ACAT1: variants seen among roughly 807,000 people sequenced by gnomAD.
The protein encoded by ACAT1 is acetyl-CoA acetyltransferase, mitochondrial.
Under a neutral mutation model 47.3 loss-of-function variants are expected in ACAT1, and 28 were observed. The ratio of observed to expected loss-of-function variants is 0.59; its 90% CI spans 0.44 to 0.81. ACAT1 has a LOEUF of 0.81. ACAT1 is among the 30% of genes least tolerant of loss of function. ACAT1 has a pLI of 0.00. For synonymous variants in ACAT1, 181 were observed against 173.6 expected, an observed-to-expected ratio of 1.04 and a Z score of -0.34; for missense variants, 469 against 524.3, an observed-to-expected ratio of 0.89 and a Z score of 1.03.
intron 5 of ACAT1, among the ~76,000 whole-genome samples, chr11:108,138,209 T>C (rs1156950735): frequency 6.6e-6 from 1 of 151,774 alleles, no homozygotes; most frequent in Non-Finnish European, 1.5e-5. Flanking sequence ...ATGGTCTCGA[T>C]TTCCTGACCT....
At chr11:108,119,522 G>A (rs2077114868), upstream of ACAT1, among the ~76,000 whole-genome samples, 1 of 152,132 alleles carries the variant, frequency 6.6e-6, no homozygotes, top group Non-Finnish European at 1.5e-5. Flanking sequence ...ATCTTTTACT[G>A]TGTGATACCC....
At chr11:108,132,353 C>A (rs565109709) in intron 2 of ACAT1, among the ~76,000 whole-genome samples, 1 of 152,254 alleles carries the variant, frequency 6.6e-6, no homozygotes, top group East Asian at 1.9e-4. Flanking sequence ...TCTGAAGAGT[C>A]TCTGTTTTGT....
intron 1 of ACAT1, 58 bp downstream of exon 1, chr11:108,121,736 G>T: frequency 6.5e-7 from 1 of 1,528,656 alleles, no homozygotes; most frequent in South Asian, 1.2e-5. Context: ...TCCCCGCCTC[G>T]GAAGCTTCCA....
intron 1 of ACAT1, among the ~76,000 whole-genome samples, chr11:108,131,354 ATTT>A (rs397951009): frequency 0.024 from 1,508 of 62,660 alleles, 152 homozygotes; most frequent in Non-Finnish European, 0.037. Flanking sequence ...AAGACTTGGA[ATTT>A]TTTTTTTTTT....
Position 108,147,481 on chromosome 11 carries a change from AAGCTGT to A in ACAT1, c.*92_*97del. ...ACTGTGGGTCAGCTTATATTCAGAT[AAGCTGT>A]TTCATTTTTTATTATTTTCTATGTT... is the stretch of plus-strand genomic sequence containing the variant. On this transcript the variant is annotated 3_prime_UTR_variant, in exon 12 of 12. Transcript: ENST00000265838. 6.8e-7 allele frequency: 1 copy of A among 1,474,702 alleles called. No individual in the cohort carries two copies. The highest frequency in any genetic ancestry group is 9.3e-7 in the Non-Finnish European group (1 of 1,073,462). 91.4% of individuals were successfully genotyped at this position (1,474,702 alleles called of 1,614,324 possible).
At chr11:108,122,944 G>A (rs2077178779) in intron 1 of ACAT1, among the ~76,000 whole-genome samples, 1 of 152,176 alleles carries the variant, frequency 6.6e-6, no homozygotes, top group Admixed American at 6.5e-5. Flanking sequence ...TTACAATCAG[G>A]TTGGTTGAGG....
intron 5 of ACAT1, chr11:108,136,696 T>C (rs1453429724): frequency 1.3e-5 from 2 of 152,266 alleles, no homozygotes; most frequent in Non-Finnish European, 2.9e-5. Flanking sequence ...AGTTTTACTT[T>C]ATAATGAAGA....
intron 9 of ACAT1, chr11:108,143,756 T>C (rs904017530): frequency 4.9e-6 from 2 of 406,974 alleles, no homozygotes; most frequent in East Asian, 9.6e-5. Context: ...GTGGTGCCAA[T>C]GTTCCTAGAG....
intron 1 of ACAT1, chr11:108,128,850 G>T (rs2135313049): frequency 6.6e-6 from 1 of 152,150 alleles, no homozygotes; most frequent in Middle Eastern, 3.4e-3. Context: ...AGTAAACAAG[G>T]AACAAACTAG....
intron 1 of ACAT1, among the ~76,000 whole-genome samples, chr11:108,130,021 C>T (rs2077327673): frequency 6.6e-6 from 1 of 152,146 alleles, no homozygotes; most frequent in Non-Finnish European, 1.5e-5. Context: ...CATCTTTTGC[C>T]TCTTGTGGTG....
At position 108,146,227 on chromosome 11, in the gene ACAT1, AAG is replaced by A. The variant is rs781496140; in HGVS notation, c.1033_1034del (p.Glu345ArgfsTer9). ...GTTCTTAAAGATGTGGGATTGAAAA[AAG>A]AAGATATTGCAATGTGGGAAGTAAA... On this transcript the variant is annotated frameshift_variant, in exon 11 of 12. Coordinates refer to ENST00000265838, the MANE Select transcript of ACAT1 (RefSeq NM_000019.4). LOFTEE classifies it high-confidence loss of function. 6 of 1,613,136 alleles carry A rather than the reference AAG, an allele frequency of 3.7e-6. No homozygotes were observed. The highest frequency in any genetic ancestry group is 1.3e-5 in the African/African-American group (1 of 74,902).
At chr11:108,140,691 T>C (rs1454766882) in intron 7 of ACAT1, among the ~76,000 whole-genome samples, 3 of 152,186 alleles carry the variant, frequency 2.0e-5, no homozygotes, top group African/African-American at 7.2e-5. Flanking sequence ...GGGTCACATA[T>C]ATAGGGTTCT....
intron 7 of ACAT1, 62 bp downstream of exon 7, chr11:108,140,277 A>C (rs761270923): frequency 2.1e-5 from 33 of 1,594,912 alleles, no homozygotes; most frequent in Non-Finnish European, 2.8e-5. Context: ...TTTTATGCTT[A>C]AGTTTTAAAT....
At chr11:108,136,693 C>T (rs1475342311) in intron 5 of ACAT1, 1 of 152,160 alleles carries the variant, frequency 6.6e-6, no homozygotes, top group South Asian at 2.1e-4. Flanking sequence ...GTCAGTTTTA[C>T]TTTATAATGA....
intron 10 of ACAT1, chr11:108,144,277 T>C (rs953145792): frequency 1.1e-5 from 6 of 556,538 alleles, no homozygotes; most frequent in Non-Finnish European, 1.9e-5. Context: ...CAGGTAAAAC[T>C]ACACATCTGA....
intron 10 of ACAT1, 158 bp from the exon 11 acceptor site, chr11:108,146,044 G>GAAA: frequency 1.7e-6 from 1 of 583,380 alleles, no homozygotes; most frequent in Non-Finnish European, 2.9e-6. Context: ...AAGACTGTTG[G>GAAA]AAAAAAAAAA....
rs2077525266 is a variant in ACAT1, at chr11:108,138,936, T to C, written c.474T>C (p.Asn158=). The change falls in exon 6 of 12, where the codon AAT becomes AAC. Residue 158 remains asparagine, a synonymous_variant. Coordinates refer to ENST00000265838, the MANE Select transcript of ACAT1 (RefSeq NM_000019.4). ...CAGGTGGGATGGAGAGCATGTCCAA[T>C]GTTCCATATGTAATGAACAGAGGAT... is the stretch of plus-strand genomic sequence containing the variant. ...MVAGGMESMS[N]VPYVMNRGST... 6.2e-7 allele frequency: 1 copy of C among 1,614,074 alleles called. No individual in the cohort carries two copies. Among genetic ancestry groups the C allele is most frequent in the South Asian group, 1.1e-5 (1 of 91,088 alleles).
chr11:108,120,010 A>T (rs1169540708), upstream of ACAT1, among the ~76,000 whole-genome samples: 1 of 152,038 alleles, frequency 6.6e-6, no homozygotes, highest in Non-Finnish European at 1.5e-5. Context: ...TGAGCTCAGG[A>T]GTTTGAGACC....
chr11:108,147,241 TA>T (rs1223437046), intron 11 of ACAT1, 28 bp from the exon 12 acceptor site: 1 of 1,612,558 alleles, frequency 6.2e-7, no homozygotes, highest in Non-Finnish European at 8.5e-7. Context: ...TGTACTTCAT[TA>T]AAGAAGTAAA....
Sources: allele counts gnomAD v4.1 joint callset (sites outside exome capture counted in the v4.1 genomes callset), GRCh38; gene constraint gnomAD v4.1.1; transcripts MANE v1.5; gene names NCBI Gene and HGNC (gene_info 2026-07-23, HGNC 2026-07-21).